Variants in GALNT17 observed in about 807,000 individuals in gnomAD.
GALNT17 encodes polypeptide N-acetylgalactosaminyltransferase 17.
Under a neutral mutation model 63.7 loss-of-function variants are expected in GALNT17, and 29 were observed. The observed-to-expected ratio is 0.46, with a 90% CI of 0.34 to 0.62. The LOEUF is 0.62. Ranked by LOEUF, GALNT17 falls within the 20% of genes least tolerant of loss-of-function variation. The pLI, the probability that GALNT17 is intolerant of heterozygous loss-of-function variation, is 0.01. For synonymous variants in GALNT17, 305 were observed against 318.3 expected (o/e 0.96, Z 0.45); for missense variants, 603 against 799.6 (o/e 0.75, Z 2.97).
intron 1 of GALNT17, among the ~76,000 whole-genome samples, chr7:71,192,316 C>T (rs1265435530): frequency 6.6e-6 from 1 of 152,070 alleles, no homozygotes; most frequent in East Asian, 1.9e-4. Context: ...ACAGACACAC[C>T]CAGGGACAAT....
intron 1 of GALNT17, among the ~76,000 whole-genome samples, chr7:71,169,594 T>C (rs1788508279): frequency 6.6e-6 from 1 of 152,204 alleles, no homozygotes; most frequent in African/African-American, 2.4e-5. Flanking sequence ...CTCACACTGT[T>C]GCTCAGGCTA....
At chr7:71,373,352 G>C (rs1198357803) in intron 2 of GALNT17, among the ~76,000 whole-genome samples, 1 of 152,178 alleles carries the variant, frequency 6.6e-6, no homozygotes, top group East Asian at 1.9e-4. Flanking sequence ...TCTGCGGTGT[G>C]ACTCAGGTCA....
chr7:71,226,106 A>C (rs1242888194), intron 1 of GALNT17, among the ~76,000 whole-genome samples: 1 of 152,236 alleles, frequency 6.6e-6, no homozygotes, highest in East Asian at 1.9e-4. Context: ...ATATTAATAA[A>C]GAATTAACTA....
chr7:71,465,497 G>C (rs1375148393), intron 5 of GALNT17, among the ~76,000 whole-genome samples: 1 of 152,178 alleles, frequency 6.6e-6, no homozygotes, highest in Non-Finnish European at 1.5e-5. Context: ...TCTTGAGCAA[G>C]ACGTTGCCAA....
intron 5 of GALNT17, among the ~76,000 whole-genome samples, chr7:71,468,942 T>C (rs1376047601): frequency 6.6e-6 from 1 of 152,202 alleles, no homozygotes; most frequent in Non-Finnish European, 1.5e-5. Flanking sequence ...CTCTTGCCTC[T>C]GGAAGGAGCT....
At chr7:71,575,907 A>C (rs951131633) in intron 6 of GALNT17, among the ~76,000 whole-genome samples, 1 of 152,166 alleles carries the variant, frequency 6.6e-6, no homozygotes, top group African/African-American at 2.4e-5. Context: ...TACAGAAAAG[A>C]AGTTTTTAAA....
At chr7:71,567,565 A>G (rs1007809457) in intron 5 of GALNT17, among the ~76,000 whole-genome samples, 2 of 152,210 alleles carry the variant, frequency 1.3e-5, no homozygotes, top group Non-Finnish European at 2.9e-5. Flanking sequence ...CTCAGGTTCA[A>G]GCGATTCTCC....
At chr7:71,490,896 T>A (rs1787994804) in intron 5 of GALNT17, among the ~76,000 whole-genome samples, 1 of 150,626 alleles carries the variant, frequency 6.6e-6, no homozygotes, top group Admixed American at 6.6e-5. Context: ...CCTGTCTCTT[T>A]AAAAAAAGGA....
At chr7:71,317,151 G>T (rs76735426) in intron 1 of GALNT17, among the ~76,000 whole-genome samples, 8 of 152,112 alleles carry the variant, frequency 5.3e-5, no homozygotes, top group Non-Finnish European at 8.8e-5. Flanking sequence ...TACCCCCAAC[G>T]TGCCTGCTGT....
intron 1 of GALNT17, among the ~76,000 whole-genome samples, chr7:71,201,897 T>C (rs1415525997): frequency 6.6e-6 from 1 of 152,158 alleles, no homozygotes; most frequent in East Asian, 1.9e-4. Flanking sequence ...CCTCCCAGAG[T>C]GCTGGGATTA....
intron 2 of GALNT17, among the ~76,000 whole-genome samples, chr7:71,343,337 AT>A (rs1792038171): frequency 6.6e-6 from 1 of 152,232 alleles, no homozygotes; most frequent in Non-Finnish European, 1.5e-5. Context: ...GGCTAATTTC[AT>A]TGCAATTTTA....
chr7:71,693,287 C>CATATATATATATAT (rs1584142481), intron 9 of GALNT17, among the ~76,000 whole-genome samples: 1 of 120,574 alleles, frequency 8.3e-6, no homozygotes, highest in East Asian at 6.7e-4. Context: ...CACACACACA[C>CATATATATATATAT]ACACACACAC....
intron 2 of GALNT17, among the ~76,000 whole-genome samples, chr7:71,368,427 C>T (rs1351174084): frequency 2.6e-5 from 4 of 152,068 alleles, no homozygotes; most frequent in Non-Finnish European, 2.9e-5. Flanking sequence ...GAGTTTTTCC[C>T]GTCTTCCTGT....
At chr7:71,388,952 G>C (rs1056980944) in intron 3 of GALNT17, among the ~76,000 whole-genome samples, 6 of 152,128 alleles carry the variant, frequency 3.9e-5, no homozygotes, top group African/African-American at 1.4e-4. Flanking sequence ...TAGGAACTGG[G>C]CTCCACAGCA....
chr7:71,690,019 C>CG (rs1554325252), intron 9 of GALNT17, among the ~76,000 whole-genome samples: 13 of 142,868 alleles, frequency 9.1e-5, no homozygotes, highest in Non-Finnish European at 1.8e-4. Flanking sequence ...TACTGAATAT[C>CG]TTTTTTTTTT....
intron 5 of GALNT17, among the ~76,000 whole-genome samples, chr7:71,444,601 C>T (rs530701808): frequency 6.6e-6 from 1 of 152,224 alleles, no homozygotes; most frequent in African/African-American, 2.4e-5. Context: ...TCTGGGAGGC[C>T]GAGGCAGGTA....
intron 1 of GALNT17, among the ~76,000 whole-genome samples, chr7:71,330,992 G>C (rs576088671): frequency 3.9e-4 from 59 of 152,178 alleles, no homozygotes; most frequent in African/African-American, 1.3e-3. Context: ...TGTATCTCAG[G>C]CCACCTCTGC....
intron 5 of GALNT17, among the ~76,000 whole-genome samples, chr7:71,464,483 A>C (rs1372059132): frequency 6.6e-6 from 1 of 152,040 alleles, no homozygotes; most frequent in Non-Finnish European, 1.5e-5. Flanking sequence ...TCTCAACAAG[A>C]GTGGGGTTGG....
chr7:71,297,344 G>C (rs887150396), intron 1 of GALNT17, among the ~76,000 whole-genome samples: 2 of 152,186 alleles, frequency 1.3e-5, no homozygotes, highest in African/African-American at 4.8e-5. Context: ...AGGAGTTTGA[G>C]ACCAGCCTGA....
Sources: allele counts gnomAD v4.1 joint callset (sites outside exome capture counted in the v4.1 genomes callset), GRCh38; gene constraint gnomAD v4.1.1; transcripts MANE v1.5; gene names NCBI Gene and HGNC (gene_info 2026-07-23, HGNC 2026-07-21).